KHDRBS3: variants seen among roughly 807,000 people sequenced by gnomAD.
KHDRBS3 encodes the protein KH RNA binding domain containing, signal transduction associated 3.
A neutral mutation model predicts 45.6 loss-of-function variants in KHDRBS3; 23 were observed. The observed-to-expected ratio is 0.50, with a 90% CI of 0.36 to 0.72. The LOEUF (loss-of-function observed/expected upper bound fraction) is 0.72, where lower values mean the gene tolerates loss of function less well. Ranked by LOEUF, KHDRBS3 falls within the 30% of genes least tolerant of loss-of-function variation. The pLI, the probability that KHDRBS3 is intolerant of heterozygous loss-of-function variation, is 0.00. For synonymous variants in KHDRBS3, 162 were observed against 156.5 expected (o/e 1.04, Z -0.26); for missense variants, 352 against 424.8 (o/e 0.83, Z 1.51).
chr8:135,570,027 T>C (rs1827626419), intron 5 of KHDRBS3, among the ~76,000 whole-genome samples: 1 of 152,222 alleles, frequency 6.6e-6, no homozygotes, highest in Admixed American at 6.5e-5. Flanking sequence ...CTGTGATTCT[T>C]ATAAGGCAGC....
intron 7 of KHDRBS3, among the ~76,000 whole-genome samples, chr8:135,638,918 G>A (rs974294806): frequency 6.8e-5 from 10 of 147,862 alleles, no homozygotes; most frequent in African/African-American, 2.0e-4. Flanking sequence ...CCAAGAGCGC[G>A]CCACTGCACT....
At chr8:135,618,546 A>G (rs1345083986) in intron 7 of KHDRBS3, among the ~76,000 whole-genome samples, 5 of 152,198 alleles carry the variant, frequency 3.3e-5, no homozygotes, top group Non-Finnish European at 4.4e-5. Flanking sequence ...AAAATGTATT[A>G]TGGTTAGATT....
intron 1 of KHDRBS3, among the ~76,000 whole-genome samples, chr8:135,470,959 CTT>C (rs1188972025): frequency 6.6e-6 from 1 of 152,146 alleles, no homozygotes; most frequent in South Asian, 2.1e-4. Context: ...GCTTCAGTTT[CTT>C]CATCTGTAAA....
chr8:135,536,933 G>GTCC lies in KHDRBS3; in HGVS notation c.208-5720_208-5718dup, dbSNP rs1372973357. Among the ~76,000 whole-genome samples the GTCC allele has an allele frequency of 1.2e-4, 15 of 122,984 alleles. No individual in the cohort carries two copies. In the East Asian group the frequency reaches 3.5e-3, roughly 28 times the overall value. 80.7% of individuals were successfully genotyped at this position (122,984 alleles called of 152,430 possible). A position where few individuals can be genotyped will look rare whatever the true frequency, so the allele number is the denominator to read the frequency against. Reference sequence around the variant, plus strand: ...CGAGATTGCGCCACTGCAGTCCGCAGTCCGACCTGGGCGACAGAGCGAAAC... The same window carrying GTCC: ...CGAGATTGCGCCACTGCAGTCCGCAGTCCTCCGACCTGGGCGACAGAGCGAAAC... On this transcript the variant is annotated intron_variant, in intron 2 of 8. Transcript: ENST00000355849.
intron 1 of KHDRBS3, among the ~76,000 whole-genome samples, chr8:135,482,432 G>A (rs893750123): frequency 6.6e-6 from 1 of 152,134 alleles, no homozygotes; most frequent in Non-Finnish European, 1.5e-5. Context: ...TAAGAAAAGA[G>A]GGGGAGGGTA....
At chr8:135,506,404 CT>C (rs35050617) in intron 1 of KHDRBS3, among the ~76,000 whole-genome samples, 341 of 139,724 alleles carry the variant, frequency 2.4e-3, no homozygotes, top group Middle Eastern at 3.8e-3. Context: ...TAACATTCCT[CT>C]TTTTTTTTTT....
intron 1 of KHDRBS3, among the ~76,000 whole-genome samples, chr8:135,469,333 G>A (rs897255821): frequency 1.3e-5 from 2 of 152,172 alleles, no homozygotes; most frequent in Admixed American, 1.3e-4. Flanking sequence ...CGCCCAGGCT[G>A]GAGTGCAGTG....
intron 2 of KHDRBS3, among the ~76,000 whole-genome samples, chr8:135,525,199 G>T (rs1825120084): frequency 6.6e-6 from 1 of 152,166 alleles, no homozygotes; most frequent in Admixed American, 6.5e-5. Context: ...TAACTTGGTT[G>T]GATTCAGGGT....
chr8:135,615,650 A>G (rs542729793), intron 7 of KHDRBS3, among the ~76,000 whole-genome samples: 10 of 152,254 alleles, frequency 6.6e-5, no homozygotes, highest in African/African-American at 4.8e-5. Flanking sequence ...TTGGAAGAGT[A>G]TGGTTAGCAT....
chr8:135,493,221 G>A (rs1035537561), intron 1 of KHDRBS3, among the ~76,000 whole-genome samples: 1 of 151,896 alleles, frequency 6.6e-6, no homozygotes, highest in Middle Eastern at 3.2e-3. Context: ...GGGACAGTGG[G>A]TTTGTTGTAG....
chr8:135,595,464 A>G (rs765736457), intron 6 of KHDRBS3, among the ~76,000 whole-genome samples: 3 of 152,244 alleles, frequency 2.0e-5, no homozygotes, highest in Non-Finnish European at 4.4e-5. Context: ...TTATAACAGA[A>G]TAACACATCT....
intron 1 of KHDRBS3, among the ~76,000 whole-genome samples, chr8:135,486,540 T>A (rs1822874616): frequency 1.3e-5 from 2 of 152,142 alleles, no homozygotes; most frequent in South Asian, 4.1e-4. Flanking sequence ...CTTAGAGAGG[T>A]TAAATAACTT....
At chr8:135,586,311 G>A (rs1300097331) in intron 6 of KHDRBS3, among the ~76,000 whole-genome samples, 1 of 106,722 alleles carries the variant, frequency 9.4e-6, no homozygotes, top group African/African-American at 3.6e-5. Flanking sequence ...AAAAACCAGT[G>A]CTTTAAAAAA....
intron 7 of KHDRBS3, among the ~76,000 whole-genome samples, chr8:135,641,649 G>A (rs756181462): frequency 1.8e-4 from 27 of 152,308 alleles, no homozygotes; most frequent in Admixed American, 7.2e-4. Flanking sequence ...CCTGAGCGGC[G>A]TCTAGACCAG....
intron 7 of KHDRBS3, chr8:135,625,913 C>G: frequency 1.3e-6 from 1 of 782,320 alleles, no homozygotes; most frequent in East Asian, 2.4e-5. Flanking sequence ...ACTAATTGAT[C>G]CAGGCCAGCA....
chr8:135,591,860 A>G (rs956469667), intron 6 of KHDRBS3, among the ~76,000 whole-genome samples: 3 of 152,236 alleles, frequency 2.0e-5, no homozygotes, highest in Non-Finnish European at 2.9e-5. Flanking sequence ...AATTTCCCCA[A>G]TGCAGTGACT....
chr8:135,628,144 C>A (rs1363843828), intron 7 of KHDRBS3, among the ~76,000 whole-genome samples: 1 of 151,890 alleles, frequency 6.6e-6, no homozygotes, highest in Admixed American at 6.6e-5. Flanking sequence ...CTTCTCATGT[C>A]CCCCAAAACT....
intron 7 of KHDRBS3, among the ~76,000 whole-genome samples, chr8:135,636,833 T>C (rs905780235): frequency 6.6e-6 from 1 of 152,212 alleles, no homozygotes; most frequent in South Asian, 2.1e-4. Context: ...ACTGGCCCCA[T>C]GTAGCCTCGG....
chr8:135,486,853 T>G (rs1348666794), intron 1 of KHDRBS3, among the ~76,000 whole-genome samples: 4 of 152,220 alleles, frequency 2.6e-5, no homozygotes, highest in Admixed American at 1.3e-4. Flanking sequence ...TGAAGCATAC[T>G]GCACACAAAT....
Sources: allele counts gnomAD v4.1 joint callset (sites outside exome capture counted in the v4.1 genomes callset), GRCh38; gene constraint gnomAD v4.1.1; transcripts MANE v1.5; gene names NCBI Gene and HGNC (gene_info 2026-07-23, HGNC 2026-07-21).